Variants in NRG1 observed in about 807,000 individuals in gnomAD.
The protein encoded by NRG1 is pro-neuregulin-1, membrane-bound isoform.
A neutral mutation model predicts 63.8 loss-of-function variants in NRG1; 18 were observed. That is an observed-to-expected ratio of 0.28 (90% CI 0.19 to 0.42). NRG1 has a LOEUF of 0.42. Among genes scored for constraint, NRG1 ranks in the 10% least tolerant of loss-of-function variants. The pLI, the probability that NRG1 is intolerant of heterozygous loss-of-function variation, is 1.00. For synonymous variants in NRG1, 302 were observed against 301.3 expected (o/e 1.00, Z -0.02); for missense variants, 762 against 814.7 (o/e 0.94, Z 0.79).
At chr8:31,761,430 T>C (rs928293040) in intron 1 of NRG1, among the ~76,000 whole-genome samples, 4 of 152,154 alleles carry the variant, frequency 2.6e-5, no homozygotes, top group Admixed American at 2.6e-4. Context: ...TGTGCACATG[T>C]ACCCTAAAAC....
At chr8:32,099,114 A>G (rs62498891) in intron 1 of NRG1, among the ~76,000 whole-genome samples, 21 of 152,310 alleles carry the variant, frequency 1.4e-4, no homozygotes, top group Non-Finnish European at 2.2e-4. Flanking sequence ...GCAAGATAGG[A>G]GCTGACTGCA....
rs537921488 is a variant in NRG1 at position 32,411,325 on chromosome 8, G to A, written c.38-184503G>A. 5.1e-4 allele frequency among the ~76,000 whole-genome samples: 78 copies of A among 152,134 alleles called. 1 individual carries two copies. Among genetic ancestry groups the A allele is most frequent in the Admixed American group, 3.3e-3 (51 of 15,276 alleles). On this transcript the variant is annotated intron_variant, in intron 1 of 10. Coordinates refer to the NRG1 transcript ENST00000519301. Reference sequence around the variant, plus strand: ...CCTTCTCGAGTTATGGAGACTTAACGGTGTGGGACACAAAATAGGAAGAAG... The same window carrying A: ...CCTTCTCGAGTTATGGAGACTTAACAGTGTGGGACACAAAATAGGAAGAAG...
chr8:31,771,185 C>G (rs777311511), intron 1 of NRG1, among the ~76,000 whole-genome samples: 8 of 152,144 alleles, frequency 5.3e-5, no homozygotes, highest in Non-Finnish European at 1.2e-4. Flanking sequence ...CTGGCAGCCA[C>G]TAATCTCCAT....
At chr8:31,895,150 A>G (rs1409467097) in intron 1 of NRG1, among the ~76,000 whole-genome samples, 1 of 152,212 alleles carries the variant, frequency 6.6e-6, no homozygotes, top group African/African-American at 2.4e-5. Flanking sequence ...ATGAGAGATT[A>G]AGGTCCCCTG....
At chr8:32,113,383 C>T (rs1832291709) in intron 1 of NRG1, among the ~76,000 whole-genome samples, 1 of 152,168 alleles carries the variant, frequency 6.6e-6, no homozygotes, top group Non-Finnish European at 1.5e-5. Context: ...GGACAGCCCA[C>T]CTTCTGGGGT....
chr8:32,048,244 A>G (rs1340034416), intron 1 of NRG1, among the ~76,000 whole-genome samples: 2 of 151,116 alleles, frequency 1.3e-5, no homozygotes, highest in African/African-American at 4.9e-5. Flanking sequence ...TCTCTTTGAA[A>G]TACTTATTTC....
At chr8:32,143,243 T>TG (rs201703389) in intron 1 of NRG1, among the ~76,000 whole-genome samples, 4,865 of 151,120 alleles carry the variant, frequency 0.032, 112 homozygotes, top group South Asian at 0.054. Flanking sequence ...GCTTTTTTTT[T>TG]GGGGGGGGAA....
intron 1 of NRG1, among the ~76,000 whole-genome samples, chr8:32,416,198 T>A (rs559364052): frequency 2.5e-4 from 38 of 152,338 alleles, no homozygotes; most frequent in Non-Finnish European, 4.6e-4. Flanking sequence ...AGTGTCATCA[T>A]AAGAATTAAA....
intron 1 of NRG1, among the ~76,000 whole-genome samples, chr8:32,055,368 A>G (rs1461892667): frequency 6.6e-6 from 1 of 152,136 alleles, no homozygotes; most frequent in African/African-American, 2.4e-5. Flanking sequence ...ATTGACATTG[A>G]TCATTTTCAT....
chr8:31,718,085 C>A (rs967514934), intron 1 of NRG1, among the ~76,000 whole-genome samples: 3 of 152,064 alleles, frequency 2.0e-5, no homozygotes, highest in Admixed American at 6.5e-5. Context: ...CATTTTTTAA[C>A]CTAATGGATA....
intron 1 of NRG1, among the ~76,000 whole-genome samples, chr8:31,666,605 G>A (rs551164431): frequency 6.6e-6 from 1 of 152,324 alleles, no homozygotes; most frequent in South Asian, 2.1e-4. Context: ...TTACTTTGAT[G>A]GTTGGCTGTT....
At chr8:32,660,003 C>T (rs1189019958) in intron 5 of NRG1, among the ~76,000 whole-genome samples, 1 of 152,138 alleles carries the variant, frequency 6.6e-6, no homozygotes, top group African/African-American at 2.4e-5. Flanking sequence ...TGGATGCTTG[C>T]TTATTGCTCA....
intron 1 of NRG1, among the ~76,000 whole-genome samples, chr8:32,257,333 A>G (rs1448817782): frequency 6.6e-6 from 1 of 152,078 alleles, no homozygotes; most frequent in African/African-American, 2.4e-5. Flanking sequence ...ACTGGTATGA[A>G]AAAAAACTCC....
chr8:32,266,879 CAA>C (rs60715824), intron 1 of NRG1, among the ~76,000 whole-genome samples: 44,947 of 112,610 alleles, frequency 0.4, 7,824 homozygotes, highest in East Asian at 0.67. Flanking sequence ...ACTAAAAATA[CAA>C]AAAAAAAAAA....
intron 5 of NRG1, among the ~76,000 whole-genome samples, chr8:32,618,563 CTAAG>C: frequency 6.6e-6 from 1 of 152,174 alleles, no homozygotes; most frequent in South Asian, 2.1e-4. Flanking sequence ...TGGTTTAAAA[CTAAG>C]AAAGGAAGCT....
At chr8:32,459,081 A>T (rs1171841922) in intron 1 of NRG1, among the ~76,000 whole-genome samples, 2 of 152,126 alleles carry the variant, frequency 1.3e-5, no homozygotes, top group Non-Finnish European at 2.9e-5. Flanking sequence ...TGAACTCCAG[A>T]CTCGTAGGTC....
chr8:32,120,195 T>G (rs1473249452), intron 1 of NRG1, among the ~76,000 whole-genome samples: 1 of 152,148 alleles, frequency 6.6e-6, no homozygotes, highest in African/African-American at 2.4e-5. Context: ...CTTAGTATTA[T>G]GAAAACATTT....
chr8:31,891,268 A>C (rs115273379), intron 1 of NRG1, among the ~76,000 whole-genome samples: 2 of 152,182 alleles, frequency 1.3e-5, no homozygotes, highest in Admixed American at 6.5e-5. Flanking sequence ...TAGGACTAGT[A>C]ACTCAAAAGT....
downstream of NRG1, among the ~76,000 whole-genome samples, chr8:32,770,225 A>T (rs1389442684): frequency 6.6e-6 from 1 of 152,218 alleles, no homozygotes; most frequent in Non-Finnish European, 1.5e-5. Context: ...GAACTATTAA[A>T]TAAAAATCAC....
Sources: gnomAD v4.1 joint callset for allele counts (sites outside exome capture counted in the v4.1 genomes callset) on GRCh38, gnomAD v4.1.1 for gene constraint, MANE v1.5 for transcripts, NCBI Gene and HGNC (gene_info 2026-07-23, HGNC 2026-07-21) for gene names.